STMN3: variants seen among roughly 807,000 people sequenced by gnomAD.
The protein encoded by STMN3 is stathmin 3, also known as stathmin-3.
STMN3 carries 24 observed loss-of-function variants against 23.2 expected under a neutral mutation model. The observed-to-expected ratio is 1.03, with a 90% CI of 0.75 to 1.45. The LOEUF (loss-of-function observed/expected upper bound fraction) is 1.45, where lower values mean the gene tolerates loss of function less well. Ranked by LOEUF, STMN3 falls within the 40% of genes most tolerant of loss-of-function variation. STMN3 has a pLI of 0.00. For missense variants in STMN3, 235 were observed against 237.6 expected (o/e 0.99, Z 0.07); for synonymous variants, 117 against 103.4 (o/e 1.13, Z -0.80).
chr20:63,641,568 G>A (rs2089762471), intron 4 of STMN3, among the ~76,000 whole-genome samples, 171 bp from the exon 5 acceptor site: 1 of 152,172 alleles, frequency 6.6e-6, no homozygotes. Flanking sequence ...GAGGCGCAGA[G>A]CAAGGCCAGG....
chr20:63,651,478 C>CG (rs2089858466), intron 1 of STMN3, among the ~76,000 whole-genome samples: 1 of 152,128 alleles, frequency 6.6e-6, no homozygotes, highest in Non-Finnish European at 1.5e-5. Context: ...CGGCTCCCCC[C>CG]GGGGGCAGAT....
At chr20:63,647,168 C>T (rs2089815343) in intron 1 of STMN3, among the ~76,000 whole-genome samples, 1 of 151,366 alleles carries the variant, frequency 6.6e-6, no homozygotes. Flanking sequence ...ATCAGCCAGG[C>T]GTGGTGGCGG....
chr20:63,641,019 G>A lies in STMN3; in HGVS notation c.*319C>T, dbSNP rs2089756497. The A allele has an allele frequency of 2.2e-6, 1 of 452,340 alleles. No homozygotes were observed. Among genetic ancestry groups the A allele is most frequent in the African/African-American group, 2.0e-5 (1 of 49,834 alleles). 28.0% of individuals were successfully genotyped at this position (452,340 alleles called of 1,614,324 possible). On this transcript the variant is annotated 3_prime_UTR_variant, in exon 5 of 5. Coordinates refer to ENST00000370053, the MANE Select transcript of STMN3 (RefSeq NM_015894.4). ...ACCAGACAGCCCAGCGTAAGGACCC[G>A]TGATCCCACGCCACCGCCCTGGGTT...
chr20:63,647,698 T>A (rs940373391), intron 1 of STMN3, among the ~76,000 whole-genome samples: 2 of 120,684 alleles, frequency 1.7e-5, no homozygotes, highest in African/African-American at 2.8e-5. Context: ...TGTATATATA[T>A]AATATATATA....
chr20:63,643,472 G>A (rs760994298), intron 3 of STMN3, among the ~76,000 whole-genome samples: 1 of 152,118 alleles, frequency 6.6e-6, no homozygotes, highest in Non-Finnish European at 1.5e-5. Flanking sequence ...GTACAGATGG[G>A]GTTTCACCAT....
chr20:63,644,788 A>C (rs1184833263), intron 1 of STMN3, among the ~76,000 whole-genome samples: 1 of 152,110 alleles, frequency 6.6e-6, no homozygotes, highest in East Asian at 1.9e-4. Context: ...CTCACCTTCC[A>C]TCATGTGAGG....
chr20:63,649,113 T>C (rs979470163), intron 1 of STMN3, among the ~76,000 whole-genome samples: 1 of 152,166 alleles, frequency 6.6e-6, no homozygotes, highest in Non-Finnish European at 1.5e-5. Flanking sequence ...GGAGACCCCC[T>C]GGCTTGGCTT....
chr20:63,644,170 G>A, intron 2 of STMN3, 44 bp downstream of exon 2: 6 of 1,545,784 alleles, frequency 3.9e-6, no homozygotes, highest in Non-Finnish European at 4.5e-6. Flanking sequence ...AAGGTGAGGT[G>A]GGCAGGCACC....
At chr20:63,649,206 G>A (rs1278111441) in intron 1 of STMN3, among the ~76,000 whole-genome samples, 4 of 152,110 alleles carry the variant, frequency 2.6e-5, no homozygotes, top group Non-Finnish European at 5.9e-5. Flanking sequence ...CCCACAGGAC[G>A]GAGCCTGGGA....
intron 1 of STMN3, among the ~76,000 whole-genome samples, chr20:63,647,382 C>T (rs2089817166): frequency 2.0e-5 from 3 of 149,252 alleles, no homozygotes; most frequent in Non-Finnish European, 4.4e-5. Context: ...TTTGAGGGGC[C>T]AAGGCGGGCA....
rs2089789897 is a variant in STMN3, at chr20:63,644,071, C to T, written c.116-140G>A. On this transcript the variant is annotated intron_variant, in intron 2 of 4. Coordinates refer to ENST00000370053, the MANE Select transcript of STMN3 (RefSeq NM_015894.4). ...CTCCCGCAGGAATCCCAGGCTTCAG[C>T]CCCCAGGATGGGCCCCTTCCCCCTA... is the stretch of plus-strand genomic sequence containing the variant. 8.1e-6 allele frequency: 11 copies of T among 1,354,926 alleles called. 1 individual carries two copies. In the South Asian group the frequency reaches 1.3e-4, roughly 16 times the overall value. 83.9% of individuals were successfully genotyped at this position (1,354,926 alleles called of 1,614,324 possible).
At chr20:63,649,190 C>A (rs1481227815) in intron 1 of STMN3, among the ~76,000 whole-genome samples, 1 of 152,110 alleles carries the variant, frequency 6.6e-6, no homozygotes, top group Admixed American at 6.6e-5. Context: ...CAAGTGGGAC[C>A]AGGTACCCAC....
In STMN3 at chr20:63,653,363, G is replaced by C; in HGVS notation, c.-18C>G. 1 of 1,544,118 alleles carries C rather than the reference G, an allele frequency of 6.5e-7. No individual in the cohort carries two copies. Among genetic ancestry groups the C allele is most frequent in the Non-Finnish European group, 8.7e-7 (1 of 1,145,256 alleles). ...CTGGCCATGGTGCTGGCGGCGGTTG[G>C]GCCTGCGGAGGCTGGAGAGGCGCAA... is the stretch of plus-strand genomic sequence containing the variant. On this transcript the variant is annotated 5_prime_UTR_variant, in exon 1 of 5. Coordinates refer to ENST00000370053, the MANE Select transcript of STMN3 (RefSeq NM_015894.4).
chr20:63,649,821 C>T (rs1330762561), intron 1 of STMN3, among the ~76,000 whole-genome samples: 4 of 145,636 alleles, frequency 2.7e-5, no homozygotes, highest in South Asian at 2.2e-4. Context: ...TGAGCCACCG[C>T]GCCTGGACTT....
At chr20:63,647,948 G>GTGTGTGTGTGTATATATATA (rs1320052757) in intron 1 of STMN3, among the ~76,000 whole-genome samples, 1 of 63,830 alleles carries the variant, frequency 1.6e-5, no homozygotes, top group African/African-American at 5.9e-5. Flanking sequence ...GTGTGTGTGT[G>GTGTGTGTGTGTATATATATA]TATATATATA....
intron 1 of STMN3, among the ~76,000 whole-genome samples, chr20:63,648,581 T>G (rs1309924054): frequency 6.6e-6 from 1 of 151,786 alleles, no homozygotes; most frequent in Non-Finnish European, 1.5e-5. Flanking sequence ...ACTAAAAATA[T>G]AAAAATTAGC....
intron 1 of STMN3, among the ~76,000 whole-genome samples, chr20:63,646,183 G>A (rs906968767): frequency 6.6e-6 from 1 of 152,006 alleles, no homozygotes; most frequent in African/African-American, 2.4e-5. Flanking sequence ...AGGAGGAGCA[G>A]AAAGGAATCC....
Position 63,641,251 on chromosome 20 carries a change from A to G in STMN3, c.*87T>C. The G allele has an allele frequency of 8.0e-7, 1 of 1,252,788 alleles. No homozygotes were observed. The highest frequency in any genetic ancestry group is 1.1e-6 in the Non-Finnish European group (1 of 880,424). 77.6% of individuals were successfully genotyped at this position (1,252,788 alleles called of 1,614,324 possible). A position where few individuals can be genotyped will look rare whatever the true frequency, so the allele number is the denominator to read the frequency against. Reference sequence around the variant, plus strand: ...GGGCGGGGGTGGGGGAGGAGGAACAAAAGTTGCATCTAGACAGAGGTGAAC... The same window carrying G: ...GGGCGGGGGTGGGGGAGGAGGAACAGAAGTTGCATCTAGACAGAGGTGAAC... On this transcript the variant is annotated 3_prime_UTR_variant, in exon 5 of 5. Coordinates refer to ENST00000370053, the MANE Select transcript of STMN3 (RefSeq NM_015894.4).
chr20:63,653,248 G>T, intron 1 of STMN3, 79 bp downstream of exon 1: 2 of 1,503,874 alleles, frequency 1.3e-6, no homozygotes, highest in Non-Finnish European at 9.0e-7. Flanking sequence ...TCCGCTGCCG[G>T]CCGCTGCCCC....
Sources: gnomAD v4.1 joint callset for allele counts (sites outside exome capture counted in the v4.1 genomes callset) on GRCh38, gnomAD v4.1.1 for gene constraint, MANE v1.5 for transcripts, NCBI Gene and HGNC (gene_info 2026-07-23, HGNC 2026-07-21) for gene names.